The following KALRN variants were observed in gnomAD, a reference collection of about 807,000 sequenced individuals.
The protein encoded by KALRN is kalirin.
In KALRN, 70 loss-of-function variants were observed where a neutral mutation model predicts 353.7. That is an observed-to-expected ratio of 0.20 (90% CI 0.16 to 0.24). The LOEUF is 0.24. KALRN is among the 10% of genes least tolerant of loss of function. KALRN has a pLI of 1.00. For missense variants in KALRN, 2,791 were observed against 3,756.7 expected, an observed-to-expected ratio of 0.74 and a Z score of 6.72; for synonymous variants, 1,391 against 1,434.8, an observed-to-expected ratio of 0.97 and a Z score of 0.69.
chr3:124,396,728 A>G (rs1213409171), intron 12 of KALRN, among the ~76,000 whole-genome samples: 1 of 152,218 alleles, frequency 6.6e-6, no homozygotes, highest in African/African-American at 2.4e-5. Flanking sequence ...AAACCTGCAC[A>G]ATGCCTAAGG....
chr3:124,401,646 G>A (rs1335249218), intron 13 of KALRN, among the ~76,000 whole-genome samples: 1 of 152,182 alleles, frequency 6.6e-6, no homozygotes, highest in East Asian at 1.9e-4. Flanking sequence ...CATAAAATGA[G>A]GGAGAGAAAA....
chr3:124,366,595 T>C (rs2084725693), intron 10 of KALRN, among the ~76,000 whole-genome samples: 1 of 150,744 alleles, frequency 6.6e-6, no homozygotes, highest in Admixed American at 6.6e-5. Flanking sequence ...AAGTCTCCCA[T>C]GTCTACTTCT....
intron 3 of KALRN, among the ~76,000 whole-genome samples, chr3:124,236,674 A>T (rs2079813503): frequency 6.6e-6 from 1 of 152,172 alleles, no homozygotes; most frequent in African/African-American, 2.4e-5. Context: ...CTTCATTCTG[A>T]CTTGTTAAGC....
rs533379718 is a variant in KALRN, at chr3:124,551,545, G to T, written c.4936-11298G>T. On this transcript the variant is annotated intron_variant, in intron 33 of 59. Transcript: ENST00000682506. ...AGGCAGATGCTCGAGGGTCCTGCTGGCTCCTAGCTAAGCGGGCGTGAAGAT... is the reference window on the plus strand; with the variant it reads ...AGGCAGATGCTCGAGGGTCCTGCTGTCTCCTAGCTAAGCGGGCGTGAAGAT... Among the ~76,000 whole-genome samples, 7 of 152,280 alleles carry T rather than the reference G, an allele frequency of 4.6e-5. No individual in the cohort carries two copies. The East Asian group carries it at 1.4e-3, about 29-fold the overall frequency.
intron 1 of KALRN, among the ~76,000 whole-genome samples, chr3:124,082,856 A>G (rs924128034): frequency 8.5e-5 from 13 of 152,272 alleles, no homozygotes; most frequent in Admixed American, 4.6e-4. Context: ...GCAAAGCTAC[A>G]TTAATTCTTC....
chr3:124,344,016 C>T (rs2082025870), intron 9 of KALRN, among the ~76,000 whole-genome samples: 1 of 152,206 alleles, frequency 6.6e-6, no homozygotes, highest in South Asian at 2.1e-4. Context: ...TGGAAATGCT[C>T]AAATACCAAT....
At chr3:124,254,751 G>A (rs900566113) in intron 3 of KALRN, among the ~76,000 whole-genome samples, 36 of 152,134 alleles carry the variant, frequency 2.4e-4, no homozygotes, top group Non-Finnish European at 4.7e-4. Flanking sequence ...CATTGTATAT[G>A]TCTATTCAGC....
At chr3:124,397,374 G>A (rs142821851) in intron 12 of KALRN, among the ~76,000 whole-genome samples, 1 of 152,282 alleles carries the variant, frequency 6.6e-6, no homozygotes, top group African/African-American at 2.4e-5. Context: ...TGACAAATTA[G>A]CCTTACGCCA....
At chr3:124,216,549 G>A (rs564292567) in intron 1 of KALRN, among the ~76,000 whole-genome samples, 16 of 152,188 alleles carry the variant, frequency 1.1e-4, no homozygotes, top group Admixed American at 6.5e-4. Context: ...TTGAGGCAGG[G>A]TTTATAGGCC....
intron 5 of KALRN, among the ~76,000 whole-genome samples, chr3:124,293,087 G>T (rs995834846): frequency 1.3e-5 from 2 of 152,148 alleles, no homozygotes; most frequent in Admixed American, 6.5e-5. Context: ...AGGTTCACCC[G>T]CAAGGAGGTT....
At chr3:124,165,603 A>G (rs528760963) in intron 1 of KALRN, among the ~76,000 whole-genome samples, 179 of 152,276 alleles carry the variant, frequency 1.2e-3, no homozygotes, top group South Asian at 2.1e-3. Flanking sequence ...GTAGCCTGGA[A>G]TGCCATGCCC....
chr3:124,142,724 C>T (rs1466905919), intron 1 of KALRN, among the ~76,000 whole-genome samples: 1 of 152,064 alleles, frequency 6.6e-6, no homozygotes, highest in Non-Finnish European at 1.5e-5. Flanking sequence ...CCACTCTGTA[C>T]TCCTCCAGCC....
intron 37 of KALRN, among the ~76,000 whole-genome samples, chr3:124,637,536 C>T (rs1343225171): frequency 1.3e-5 from 2 of 152,178 alleles, no homozygotes; most frequent in African/African-American, 4.8e-5. Flanking sequence ...AAGTTGAAAA[C>T]TATTCAAGAC....
intron 19 of KALRN, among the ~76,000 whole-genome samples, chr3:124,444,623 C>T (rs2093770799): frequency 1.3e-5 from 2 of 150,400 alleles, no homozygotes; most frequent in African/African-American, 4.9e-5. Flanking sequence ...CATAGTGAGA[C>T]CCCCATCTCT....
chr3:124,122,925 G>A (rs569796799), intron 1 of KALRN, among the ~76,000 whole-genome samples: 5 of 152,232 alleles, frequency 3.3e-5, no homozygotes, highest in Admixed American at 1.3e-4. Context: ...GATAGCAGCC[G>A]GGCACAGTGG....
At chr3:124,205,396 C>T (rs1039895679) in intron 1 of KALRN, among the ~76,000 whole-genome samples, 2 of 152,168 alleles carry the variant, frequency 1.3e-5, no homozygotes, top group Non-Finnish European at 1.5e-5. Context: ...AAATCGCTCT[C>T]GCAGCTCCTA....
Position 124,718,905 on chromosome 3 carries a change from G to A in KALRN, c.8416-20G>A. On this transcript the variant is annotated intron_variant, in intron 59 of 59. Coordinates refer to ENST00000682506, the MANE Select transcript of KALRN (RefSeq NM_001388419.1). Reference sequence around the variant, plus strand: ...CCTAAACTTCCCTTCTTTTCTCCCTGCTTCCTTGGATCTCTGCAGCCTGAA... The same window carrying A: ...CCTAAACTTCCCTTCTTTTCTCCCTACTTCCTTGGATCTCTGCAGCCTGAA... 6 of 1,609,478 alleles carry A rather than the reference G, an allele frequency of 3.7e-6. No individual in the cohort carries two copies. Among genetic ancestry groups the A allele is most frequent in the South Asian group, 1.1e-5 (1 of 90,940 alleles).
intron 34 of KALRN, among the ~76,000 whole-genome samples, chr3:124,565,792 A>G (rs1292920770): frequency 2.0e-5 from 3 of 152,202 alleles, no homozygotes; most frequent in Non-Finnish European, 1.5e-5. Context: ...AGCAAACCCA[A>G]GGTGGAAAGC....
At chr3:124,401,697 G>A (rs548921269) in intron 13 of KALRN, among the ~76,000 whole-genome samples, 4 of 152,146 alleles carry the variant, frequency 2.6e-5, no homozygotes, top group Non-Finnish European at 4.4e-5. Flanking sequence ...AGGCTATAAC[G>A]TCCGGATTTT....
Sources: gnomAD v4.1 joint callset for allele counts (sites outside exome capture counted in the v4.1 genomes callset) on GRCh38, gnomAD v4.1.1 for gene constraint, MANE v1.5 for transcripts, NCBI Gene and HGNC (gene_info 2026-07-23, HGNC 2026-07-21) for gene names.